Variants in SLC7A7 observed in about 807,000 individuals in gnomAD.
The protein encoded by SLC7A7 is solute carrier family 7 member 7.
Under a neutral mutation model 47.9 loss-of-function variants are expected in SLC7A7, and 39 were observed. That is an observed-to-expected ratio of 0.81 (90% CI 0.63 to 1.06). SLC7A7 has a LOEUF of 1.06. SLC7A7 is among the 50% of genes least tolerant of loss of function. SLC7A7 has a pLI of 0.00. For synonymous variants in SLC7A7, 234 were observed against 242.8 expected, an observed-to-expected ratio of 0.96 and a Z score of 0.34; for missense variants, 588 against 632.0, an observed-to-expected ratio of 0.93 and a Z score of 0.75.
At chr14:22,806,265 G>A (rs1371130675) in intron 2 of SLC7A7, among the ~76,000 whole-genome samples, 2 of 127,380 alleles carry the variant, frequency 1.6e-5, no homozygotes, top group Non-Finnish European at 3.1e-5. Flanking sequence ...GTGCAATCTC[G>A]GCTCACTGCA....
At chr14:22,818,803 A>G (rs1231571020), upstream of SLC7A7, among the ~76,000 whole-genome samples, 1 of 151,916 alleles carries the variant, frequency 6.6e-6, no homozygotes, top group Non-Finnish European at 1.5e-5. Flanking sequence ...CATGTTGTCC[A>G]GGCTGGTCTC....
At chr14:22,788,611 G>A (rs574630821) in intron 2 of SLC7A7, among the ~76,000 whole-genome samples, 4 of 151,514 alleles carry the variant, frequency 2.6e-5, no homozygotes, top group Non-Finnish European at 4.4e-5. Flanking sequence ...GGCTGAGGCA[G>A]GAGAATCGCT....
intron 2 of SLC7A7, among the ~76,000 whole-genome samples, chr14:22,793,578 T>G (rs4609758): frequency 1.3e-5 from 2 of 151,972 alleles, no homozygotes; most frequent in Admixed American, 1.3e-4. Flanking sequence ...TTGGGAGCCA[T>G]AGGAGGGCGG....
rs146280056 is a variant in SLC7A7 at position 22,812,960 on chromosome 14, G to A, written c.439C>T (p.Leu147Phe). 69 of 1,614,016 alleles carry A rather than the reference G, an allele frequency of 4.3e-5. No homozygotes were observed. The East Asian group carries it at 7.8e-4, about 18-fold the overall frequency. ...ITFANYMVQP[L>F]FPSCFAPYAA... ...TAAGGGGCGAAGCAGCTCGGGAAGA[G>A]AGGCTGTACCATGTAGTTGGCAAAG... The change falls in exon 2 of 10, where the codon CTC becomes TTC. Residue 147 changes from leucine to phenylalanine, a missense_variant. By Grantham distance (22) the Leu-to-Phe change is conservative. Transcript: ENST00000674313.
intron 9 of SLC7A7, 105 bp downstream of exon 9, chr14:22,773,828 A>G (rs1217950687): frequency 9.0e-6 from 14 of 1,561,650 alleles, no homozygotes; most frequent in Non-Finnish European, 8.8e-6. Context: ...CGAAGGGTTC[A>G]TAAGAAGGGG....
At chr14:22,810,704 A>G (rs1253248891) in intron 2 of SLC7A7, among the ~76,000 whole-genome samples, 1 of 152,156 alleles carries the variant, frequency 6.6e-6, no homozygotes, top group Non-Finnish European at 1.5e-5. Context: ...AAGGCTGGGC[A>G]CAGTGGCTCA....
At chr14:22,803,984 C>T (rs1343628681) in intron 2 of SLC7A7, among the ~76,000 whole-genome samples, 1 of 152,152 alleles carries the variant, frequency 6.6e-6, no homozygotes, top group African/African-American at 2.4e-5. Flanking sequence ...TCCAATTCCA[C>T]ACCCTGCAAG....
chr14:22,793,582 AG>A (rs996770024), intron 2 of SLC7A7, among the ~76,000 whole-genome samples: 2 of 151,954 alleles, frequency 1.3e-5, no homozygotes, highest in Admixed American at 6.6e-5. Flanking sequence ...GAGCCATAGG[AG>A]GGCGGATCAC....
Position 22,790,295 on chromosome 14 carries a change from A to G in SLC7A7, c.500-10244T>C, listed in dbSNP as rs1472171482. On this transcript the variant is annotated intron_variant, in intron 2 of 9. Transcript: ENST00000674313. Reference sequence around the variant, plus strand: ...CAGTGATCCTTGATTGCACCACTGCATTCCAGCCTGGGTGACAGAGCAAGA... The same window carrying G: ...CAGTGATCCTTGATTGCACCACTGCGTTCCAGCCTGGGTGACAGAGCAAGA... Among the ~76,000 whole-genome samples, 3 of 139,172 alleles carry G rather than the reference A, an allele frequency of 2.2e-5. No individual in the cohort carries two copies. In the South Asian group the frequency reaches 7.2e-4, roughly 33 times the overall value. The allele number at this position is 139,172 out of a possible 152,430, so 91.3% of individuals were successfully genotyped here.
intron 2 of SLC7A7, among the ~76,000 whole-genome samples, chr14:22,782,486 C>T: frequency 6.6e-6 from 1 of 150,378 alleles, no homozygotes; most frequent in East Asian, 2.0e-4. Context: ...TTTTGAGACA[C>T]AGTCTTGCTC....
intron 2 of SLC7A7, among the ~76,000 whole-genome samples, chr14:22,808,316 T>C (rs1401300986): frequency 6.6e-6 from 1 of 152,250 alleles, no homozygotes; most frequent in African/African-American, 2.4e-5. Context: ...TCTTCTTTGT[T>C]TTTCAGCACT....
intron 2 of SLC7A7, among the ~76,000 whole-genome samples, chr14:22,786,419 A>T (rs1370388277): frequency 6.6e-6 from 1 of 152,080 alleles, no homozygotes; most frequent in Non-Finnish European, 1.5e-5. Context: ...TGGCTTCCAG[A>T]CCCCTCACCA....
At chr14:22,804,075 TG>T (rs2039160558) in intron 2 of SLC7A7, among the ~76,000 whole-genome samples, 1 of 152,166 alleles carries the variant, frequency 6.6e-6, no homozygotes, top group Non-Finnish European at 1.5e-5. Context: ...ACACACCTTC[TG>T]GTCATTAGAA....
chr14:22,798,189 C>A (rs867747965), intron 2 of SLC7A7, among the ~76,000 whole-genome samples: 1 of 151,908 alleles, frequency 6.6e-6, no homozygotes, highest in South Asian at 2.1e-4. Flanking sequence ...CCCAGCTACT[C>A]GGGAGGCTGA....
At chr14:22,819,160 T>C (rs764803168), upstream of SLC7A7, among the ~76,000 whole-genome samples, 18 of 152,070 alleles carry the variant, frequency 1.2e-4, no homozygotes, top group Non-Finnish European at 2.4e-4. Flanking sequence ...TAGTACATAA[T>C]TCGGGGTCTT....
At chr14:22,785,589 G>A (rs183430984) in intron 2 of SLC7A7, among the ~76,000 whole-genome samples, 1 of 152,006 alleles carries the variant, frequency 6.6e-6, no homozygotes, top group Non-Finnish European at 1.5e-5. Context: ...TTGGCCAGGC[G>A]TGGTGGCACA....
intron 2 of SLC7A7, 127 bp downstream of exon 2, chr14:22,812,773 C>CTATATATATATATATATCTATATATATA: frequency 2.5e-6 from 1 of 398,386 alleles, no homozygotes; most frequent in South Asian, 6.0e-5. Context: ...CATACTTTAA[C>CTATATATATATATATATCTATATATATA]TATATATATA....
At chr14:22,817,007 TA>T (rs1326915310), upstream of SLC7A7, among the ~76,000 whole-genome samples, 3 of 152,208 alleles carry the variant, frequency 2.0e-5, no homozygotes, top group African/African-American at 7.2e-5. Context: ...GACACACTGC[TA>T]AGGACTTAAG....
intron 2 of SLC7A7, among the ~76,000 whole-genome samples, chr14:22,801,718 T>C (rs1223140127): frequency 6.6e-6 from 1 of 152,148 alleles, no homozygotes; most frequent in African/African-American, 2.4e-5. Context: ...GAGGTTGCAG[T>C]GAGCTGAGAT....
Sources: allele counts gnomAD v4.1 joint callset (sites outside exome capture counted in the v4.1 genomes callset), GRCh38; gene constraint gnomAD v4.1.1; transcripts MANE v1.5; gene names NCBI Gene and HGNC (gene_info 2026-07-23, HGNC 2026-07-21).